MYL2: variants seen among roughly 807,000 people sequenced by gnomAD.
The protein encoded by MYL2 is myosin light chain 2.
MYL2 carries 19 observed loss-of-function variants against 23.0 expected under a neutral mutation model. The observed-to-expected ratio is 0.83, with a 90% CI of 0.58 to 1.21. MYL2 has a LOEUF of 1.21. MYL2 is among the 50% of genes most tolerant of loss of function. MYL2 has a pLI of 0.00. For missense variants in MYL2, 180 were observed against 215.1 expected (o/e 0.84, Z 1.02); for synonymous variants, 78 against 76.2 (o/e 1.02, Z -0.13).
At chr12:110,915,471 G>A (rs1180251167) in intron 3 of MYL2, among the ~76,000 whole-genome samples, 1 of 152,038 alleles carries the variant, frequency 6.6e-6, no homozygotes, top group Non-Finnish European at 1.5e-5. Flanking sequence ...TTTCTGTTGT[G>A]AGCTGACATT....
chr12:110,915,674 G>C (rs2071683271), intron 3 of MYL2, 41 bp downstream of exon 3: 1 of 1,589,214 alleles, frequency 6.3e-7, no homozygotes, highest in African/African-American at 1.3e-5. Context: ...ATGGATGTGA[G>C]ATAAAGAGAC....
At position 110,914,294 on chromosome 12, in the gene MYL2, G is replaced by C. The variant is rs758237606; in HGVS notation, c.170-4C>G. On this transcript the variant is annotated splice_polypyrimidine_tract_variant and splice_region_variant and intron_variant, in intron 3 of 6. Transcript: ENST00000228841. Reference sequence around the variant, plus strand: ...TCATTTTTCACGTTCACTCGCCCTAGGGTAGGAAACACACACTCAGGGACT... The same window carrying C: ...TCATTTTTCACGTTCACTCGCCCTACGGTAGGAAACACACACTCAGGGACT... 1.2e-6 allele frequency: 2 copies of C among 1,611,176 alleles called. No homozygotes were observed. Among genetic ancestry groups the C allele is most frequent in the Non-Finnish European group, 1.7e-6 (2 of 1,177,424 alleles).
chr12:110,920,456 G>T (rs531896009), intron 1 of MYL2, 71 bp downstream of exon 1: 28 of 1,611,148 alleles, frequency 1.7e-5, no homozygotes, highest in African/African-American at 1.2e-4. Flanking sequence ...CTCCGCCGTG[G>T]TCCCTCGCTT....
chr12:110,915,032 GC>G (rs1313998267), intron 3 of MYL2, among the ~76,000 whole-genome samples: 5 of 152,168 alleles, frequency 3.3e-5, no homozygotes, highest in Non-Finnish European at 7.3e-5. Flanking sequence ...CTCTAGTCCT[GC>G]CACAAGCCTA....
chr12:110,918,305 G>T lies in MYL2; in HGVS notation c.93+799C>A, dbSNP rs1049874773. Among the ~76,000 whole-genome samples, 2 of 152,062 alleles carry T rather than the reference G, an allele frequency of 1.3e-5. No homozygotes were observed. Among genetic ancestry groups the T allele is most frequent in the African/African-American group, 4.8e-5 (2 of 41,388 alleles). ...ATCAAATGCGATGGGGTTTCAAATG[G>T]GGCTAGTGGTTAATAATCAAAGACT... is the stretch of plus-strand genomic sequence containing the variant. On this transcript the variant is annotated intron_variant, in intron 2 of 6. Transcript: ENST00000228841. This position sits in a 1 kb window ranked among gnomAD's most constrained non-coding sequence, Gnocchi z 4.4.
chr12:110,913,033 G>A (rs911280030), intron 6 of MYL2, 63 bp downstream of exon 6: 8 of 1,567,310 alleles, frequency 5.1e-6, no homozygotes, highest in South Asian at 1.1e-5. Flanking sequence ...GAGGGGAGAC[G>A]GAGCCCCCCA....
intron 1 of MYL2, among the ~76,000 whole-genome samples, chr12:110,919,745 A>G (rs934603832): frequency 6.6e-6 from 1 of 152,150 alleles, no homozygotes; most frequent in African/African-American, 2.4e-5. Context: ...CACCACATCA[A>G]TAGGGCAGAG....
chr12:110,916,741 G>A (rs1481277788), intron 2 of MYL2, among the ~76,000 whole-genome samples: 1 of 152,200 alleles, frequency 6.6e-6, no homozygotes, highest in Non-Finnish European at 1.5e-5. Context: ...AAATTAGATA[G>A]TGGTGATGGT....
At chr12:110,914,105 A>T in intron 4 of MYL2, 81 bp downstream of exon 4, 1 of 1,113,178 alleles carries the variant, frequency 9.0e-7, no homozygotes, top group Non-Finnish European at 1.4e-6. Context: ...TATCTCTTTT[A>T]AAGTTAACCA....
chr12:110,921,341 A>T (rs761052282), upstream of MYL2, among the ~76,000 whole-genome samples: 3 of 152,176 alleles, frequency 2.0e-5, no homozygotes, highest in Non-Finnish European at 4.4e-5. Flanking sequence ...AGCCTGGGTG[A>T]CAGAGCAAGA....
chr12:110,914,119 T>TC, intron 4 of MYL2, 67 bp downstream of exon 4: 1 of 1,235,558 alleles, frequency 8.1e-7, no homozygotes, highest in Non-Finnish European at 1.2e-6. Context: ...TTAACCATCT[T>TC]CTGCCAGCCC....
At chr12:110,914,009 G>A (rs925596474) in intron 4 of MYL2, among the ~76,000 whole-genome samples, 177 bp downstream of exon 4, 5 of 152,080 alleles carry the variant, frequency 3.3e-5, no homozygotes, top group Admixed American at 2.6e-4. Context: ...TGCCCGCCTC[G>A]GCCTCTGAAA....
At chr12:110,913,346 A>G (rs1468952693) in intron 4 of MYL2, 22 bp from the exon 5 acceptor site, 1 of 1,613,928 alleles carries the variant, frequency 6.2e-7, no homozygotes, top group African/African-American at 1.3e-5. Flanking sequence ...CACAGGGCTT[A>G]CATGTACTGG....
In MYL2 at chr12:110,917,299, AAAT is replaced by A; in HGVS notation, c.94-1512_94-1510del. Among the ~76,000 whole-genome samples, 3 of 152,220 alleles carry A rather than the reference AAAT, an allele frequency of 2.0e-5. No homozygotes were observed. The East Asian group carries it at 5.8e-4, about 29-fold the overall frequency. On this transcript the variant is annotated intron_variant, in intron 2 of 6. Coordinates refer to ENST00000228841, the MANE Select transcript of MYL2 (RefSeq NM_000432.4). ...AGACACCAGTTTTTAGCTTTTTAAA[AAAT>A]AATAGCTTTAGGCCAGGTGCAGTGG...
intron 2 of MYL2, among the ~76,000 whole-genome samples, chr12:110,916,337 GAAAACA>G (rs754592336): frequency 1.3e-5 from 2 of 152,020 alleles, no homozygotes; most frequent in African/African-American, 4.8e-5. Flanking sequence ...CTCCATCTCG[GAAAACA>G]AAAACAAAAA....
intron 3 of MYL2, 50 bp from the exon 4 acceptor site, chr12:110,914,340 C>A (rs1038621777): frequency 7.8e-7 from 1 of 1,281,216 alleles, no homozygotes; most frequent in East Asian, 2.3e-5. Context: ...GAGAAAGAAC[C>A]ATTATGACAC....
At chr12:110,912,407 C>G (rs1285129265) in intron 6 of MYL2, among the ~76,000 whole-genome samples, 3 of 152,192 alleles carry the variant, frequency 2.0e-5, no homozygotes, top group Non-Finnish European at 4.4e-5. Flanking sequence ...AAGAATTGTT[C>G]AGTGCACAAC....
At chr12:110,916,934 C>T (rs1259913245) in intron 2 of MYL2, among the ~76,000 whole-genome samples, 1 of 152,078 alleles carries the variant, frequency 6.6e-6, no homozygotes, top group Non-Finnish European at 1.5e-5. Context: ...CTGTAACCTC[C>T]GCCTCCCGGG....
upstream of MYL2, among the ~76,000 whole-genome samples, chr12:110,921,002 C>A (rs1179182117): frequency 1.3e-5 from 2 of 152,226 alleles, no homozygotes; most frequent in African/African-American, 2.4e-5. Flanking sequence ...TCCTTCACCT[C>A]CTTCACTGCA....
Sources: allele counts gnomAD v4.1 joint callset (sites outside exome capture counted in the v4.1 genomes callset), GRCh38; gene constraint gnomAD v4.1.1; non-coding constraint Gnocchi (gnomAD v3.1); transcripts MANE v1.5; gene names NCBI Gene and HGNC (gene_info 2026-07-23, HGNC 2026-07-21).